Variants in CNIH3 observed in about 807,000 individuals in gnomAD.
CNIH3 encodes the protein protein cornichon homolog 3.
In CNIH3, 14 loss-of-function variants were observed where a neutral mutation model predicts 24.1. That is an observed-to-expected ratio of 0.58 (90% CI 0.38 to 0.91). The LOEUF (loss-of-function observed/expected upper bound fraction) is 0.91. Among genes scored for constraint, CNIH3 ranks in the 40% least tolerant of loss-of-function variants. The pLI, the probability that CNIH3 is intolerant of heterozygous loss-of-function variation, is 0.00. For missense variants in CNIH3, 178 were observed against 196.8 expected, an observed-to-expected ratio of 0.90 and a Z score of 0.57; for synonymous variants, 68 against 73.8, an observed-to-expected ratio of 0.92 and a Z score of 0.40.
At chr1:224,634,305 C>T (rs1054776702) in intron 1 of CNIH3, among the ~76,000 whole-genome samples, 10 of 152,200 alleles carry the variant, frequency 6.6e-5, no homozygotes, top group Admixed American at 5.2e-4. Flanking sequence ...AAAAAGAGGC[C>T]GGGCGTGGTG....
chr1:224,671,526 A>G (rs1460002071), intron 1 of CNIH3, among the ~76,000 whole-genome samples: 1 of 152,208 alleles, frequency 6.6e-6, no homozygotes, highest in East Asian at 1.9e-4. Context: ...AGAAAGAGAG[A>G]TGGGGAAGGT....
intron 1 of CNIH3, among the ~76,000 whole-genome samples, chr1:224,674,656 C>T (rs192513842): frequency 1.3e-5 from 2 of 152,150 alleles, no homozygotes; most frequent in East Asian, 1.9e-4. Context: ...GGGGCAGCAC[C>T]TTTTGGGCTG....
chr1:224,687,115 T>G (rs1386125243), intron 3 of CNIH3, among the ~76,000 whole-genome samples: 1 of 152,222 alleles, frequency 6.6e-6, no homozygotes, highest in Non-Finnish European at 1.5e-5. Flanking sequence ...CTTTAGGTGT[T>G]GTGGCTGCGT....
chr1:224,706,142 A>G (rs1687797941), intron 3 of CNIH3, among the ~76,000 whole-genome samples: 1 of 152,144 alleles, frequency 6.6e-6, no homozygotes, highest in African/African-American at 2.4e-5. Flanking sequence ...GGTGAATGAA[A>G]GCAAAAGAGG....
At chr1:224,698,813 G>A (rs9725225) in intron 3 of CNIH3, among the ~76,000 whole-genome samples, 117,842 of 151,792 alleles carry the variant, frequency 0.78, 46,421 homozygotes, top group Middle Eastern at 0.87. Context: ...AACTCTGCCT[G>A]CAGCCAGCGC....
chr1:224,705,873 TTGAGCTGAACCTACCCATTC>T (rs1687774630), intron 3 of CNIH3, among the ~76,000 whole-genome samples: 1 of 141,364 alleles, frequency 7.1e-6, no homozygotes, highest in African/African-American at 2.6e-5. Context: ...TTTTTTTTTT[TTGAGCTGAACCTACCCATTC>T]TTTAAGACTC....
At chr1:224,572,026 G>A (rs1415840868) in intron 4 of CNIH3, among the ~76,000 whole-genome samples, 1 of 152,186 alleles carries the variant, frequency 6.6e-6, no homozygotes, top group Non-Finnish European at 1.5e-5. Context: ...GGCAAGTCAA[G>A]TAGGTTACCT....
At chr1:224,502,965 G>GGGA (rs895238474) in intron 1 of CNIH3, among the ~76,000 whole-genome samples, 41 of 151,694 alleles carry the variant, frequency 2.7e-4, no homozygotes, top group Non-Finnish European at 2.1e-4. Context: ...TGGAGGGTGA[G>GGGA]GGAGGAGGAG....
chr1:224,491,136 T>C (rs1235707188), intron 1 of CNIH3, among the ~76,000 whole-genome samples: 1 of 152,246 alleles, frequency 6.6e-6, no homozygotes, highest in Non-Finnish European at 1.5e-5. Context: ...GGAGTCCTTC[T>C]CAGGCCATAT....
intron 1 of CNIH3, among the ~76,000 whole-genome samples, chr1:224,451,947 G>A (rs947642593): frequency 2.0e-5 from 3 of 152,136 alleles, no homozygotes; most frequent in Non-Finnish European, 2.9e-5. Flanking sequence ...GATGGTTGGC[G>A]TTCATAGTGG....
intron 2 of CNIH3, among the ~76,000 whole-genome samples, chr1:224,546,477 G>C (rs712090): frequency 1.3e-5 from 2 of 152,160 alleles, no homozygotes; most frequent in African/African-American, 2.4e-5. Flanking sequence ...CAACCTGGAG[G>C]GGGTAATGAA....
intron 1 of CNIH3, among the ~76,000 whole-genome samples, chr1:224,500,225 G>C (rs1460725187): frequency 6.6e-6 from 1 of 151,654 alleles, no homozygotes; most frequent in African/African-American, 2.4e-5. Context: ...TGCTCAGACT[G>C]GTCTCTTGAA....
chr1:224,721,604 A>G (rs1363536859), intron 3 of CNIH3, among the ~76,000 whole-genome samples: 3 of 152,220 alleles, frequency 2.0e-5, no homozygotes, highest in Non-Finnish European at 4.4e-5. Flanking sequence ...TTTGAAATTC[A>G]AGTGTGTCTT....
intron 1 of CNIH3, among the ~76,000 whole-genome samples, chr1:224,623,149 C>T (rs187779260): frequency 6.6e-6 from 1 of 152,304 alleles, no homozygotes; most frequent in African/African-American, 2.4e-5. Context: ...GGACCTGCCT[C>T]TGCAGTGAGC....
chr1:224,465,635 T>C (rs1334814658), intron 1 of CNIH3, among the ~76,000 whole-genome samples: 1 of 152,238 alleles, frequency 6.6e-6, no homozygotes, highest in African/African-American at 2.4e-5. Context: ...GAAATAATTA[T>C]AAACGGGATA....
downstream of CNIH3, among the ~76,000 whole-genome samples, chr1:224,592,542 C>T (rs953468495): frequency 2.6e-5 from 4 of 152,150 alleles, no homozygotes; most frequent in African/African-American, 4.8e-5. Context: ...CACACCCGCT[C>T]GTGGCTGATG....
intron 5 of CNIH3, among the ~76,000 whole-genome samples, chr1:224,735,219 CAGTTTTCCCA>C (rs552071705): frequency 1.3e-5 from 2 of 152,302 alleles, no homozygotes; most frequent in African/African-American, 4.8e-5. Context: ...GCTTCATTTA[CAGTTTTCCCA>C]ATATTACATA....
intron 5 of CNIH3, 112 bp downstream of exon 5, chr1:224,734,818 T>C (rs2125247448): frequency 2.7e-6 from 3 of 1,123,754 alleles, no homozygotes; most frequent in South Asian, 1.4e-5. Flanking sequence ...GTGGGAGTCA[T>C]GGCCATTCAG....
At chr1:224,680,817 T>G in intron 1 of CNIH3, 141 bp from the exon 2 acceptor site, 2 of 658,942 alleles carry the variant, frequency 3.0e-6, no homozygotes, top group South Asian at 3.6e-5. Context: ...GCTTCGACAG[T>G]GACCAGCTGC....
Sources: gnomAD v4.1 joint callset for allele counts (sites outside exome capture counted in the v4.1 genomes callset) on GRCh38, gnomAD v4.1.1 for gene constraint, MANE v1.5 for transcripts, NCBI Gene and HGNC (gene_info 2026-07-23, HGNC 2026-07-21) for gene names.